The following KCND2 variants were observed in gnomAD, a reference collection of about 807,000 sequenced individuals.
KCND2 encodes the protein A-type voltage-gated potassium channel KCND2.
A neutral mutation model predicts 54.4 loss-of-function variants in KCND2; 16 were observed. That is an observed-to-expected ratio of 0.29 (90% CI 0.20 to 0.45). The LOEUF (loss-of-function observed/expected upper bound fraction) is 0.45, where lower values mean the gene tolerates loss of function less well. Among genes scored for constraint, KCND2 ranks in the 20% least tolerant of loss-of-function variants. The pLI, the probability that KCND2 is intolerant of heterozygous loss-of-function variation, is 1.00. For synonymous variants in KCND2, 317 were observed against 310.7 expected (o/e 1.02, Z -0.21); for missense variants, 486 against 824.2 (o/e 0.59, Z 5.02).
chr7:120,496,588 C>A (rs113714501), intron 1 of KCND2, among the ~76,000 whole-genome samples: 4,212 of 129,302 alleles, frequency 0.033, 91 homozygotes, highest in Non-Finnish European at 0.047. Context: ...CCACGCCTGG[C>A]TGCTTTTTCG....
At chr7:120,721,137 C>T (rs1416969363) in intron 1 of KCND2, among the ~76,000 whole-genome samples, 1 of 152,094 alleles carries the variant, frequency 6.6e-6, no homozygotes, top group Non-Finnish European at 1.5e-5. Context: ...TATGTTTAAG[C>T]AGGTGTACTT....
chr7:120,464,113 C>T lies in KCND2; in HGVS notation c.1115+188366C>T, dbSNP rs532268762. On this transcript the variant is annotated intron_variant, in intron 1 of 5. Transcript: ENST00000331113. Reference sequence around the variant, plus strand: ...ACATCACAGGATTGCCTGGTTTCCCCCTAGCTATCATTTAGACTATACTGC... The same window carrying T: ...ACATCACAGGATTGCCTGGTTTCCCTCTAGCTATCATTTAGACTATACTGC... 6.1e-6 allele frequency: 6 copies of T among 978,876 alleles called. No individual in the cohort carries two copies. The South Asian group carries it at 1.4e-4, about 23-fold the overall frequency. The allele number at this position is 978,876 out of a possible 1,614,324, so 60.6% of individuals were successfully genotyped here.
intron 1 of KCND2, among the ~76,000 whole-genome samples, chr7:120,544,360 C>T (rs1792018162): frequency 1.3e-5 from 2 of 151,838 alleles, no homozygotes; most frequent in Non-Finnish European, 2.9e-5. Context: ...TAGTTTTGAG[C>T]AAAGATGTCA....
At chr7:120,443,683 C>CT (rs1801977602) in intron 1 of KCND2, among the ~76,000 whole-genome samples, 1 of 149,434 alleles carries the variant, frequency 6.7e-6, no homozygotes, top group African/African-American at 2.6e-5. Flanking sequence ...AGTTAAGACT[C>CT]ATTTTTTTTT....
At chr7:120,360,278 T>C (rs1299154505) in intron 1 of KCND2, among the ~76,000 whole-genome samples, 1 of 152,124 alleles carries the variant, frequency 6.6e-6, no homozygotes, top group Non-Finnish European at 1.5e-5. Context: ...GGTACATGTC[T>C]TGATATCAAG....
intron 1 of KCND2, among the ~76,000 whole-genome samples, chr7:120,304,982 A>G (rs1476085777): frequency 6.6e-6 from 1 of 152,168 alleles, no homozygotes; most frequent in Admixed American, 6.6e-5. Context: ...CCTTGGAGAC[A>G]TTGTCTCTCT....
chr7:120,385,205 T>C (rs935230952), intron 1 of KCND2, among the ~76,000 whole-genome samples: 2 of 151,462 alleles, frequency 1.3e-5, no homozygotes, highest in Non-Finnish European at 2.9e-5. Flanking sequence ...GGTTTTATCA[T>C]GTTCAAGAAC....
chr7:120,701,419 G>A (rs1391156428), intron 1 of KCND2, among the ~76,000 whole-genome samples: 1 of 152,088 alleles, frequency 6.6e-6, no homozygotes, highest in Non-Finnish European at 1.5e-5. Context: ...GGCGCTAGGT[G>A]AATTTAGAAT....
chr7:120,744,102 A>C (rs1365317807), intron 4 of KCND2, among the ~76,000 whole-genome samples: 1 of 152,224 alleles, frequency 6.6e-6, no homozygotes, highest in East Asian at 1.9e-4. Context: ...TCTACTAAAA[A>C]TACAAAAAAA....
Position 120,577,839 on chromosome 7 carries a change from C to T in KCND2, c.1116-155064C>T, listed in dbSNP as rs562956579. ...TGACCTCGTGATTCACCTGCATTGG[C>T]TTCCCAAAGTGCTGGGATTACAGGC... On this transcript the variant is annotated intron_variant, in intron 1 of 5. Coordinates refer to ENST00000331113, the MANE Select transcript of KCND2 (RefSeq NM_012281.3). Among the ~76,000 whole-genome samples the T allele has an allele frequency of 7.2e-5, 11 of 152,288 alleles. No homozygotes were observed. The East Asian group carries it at 2.1e-3, about 29-fold the overall frequency.
intron 1 of KCND2, among the ~76,000 whole-genome samples, chr7:120,653,412 A>T (rs1020436128): frequency 6.6e-6 from 1 of 151,948 alleles, no homozygotes; most frequent in East Asian, 1.9e-4. Context: ...AAGATTTGAA[A>T]CCAAATCTTA....
chr7:120,745,943 A>G lies in KCND2; in HGVS notation c.1631A>G (p.Asn544Ser), dbSNP rs760043249. The G allele has an allele frequency of 2.9e-5, 46 of 1,613,746 alleles. No homozygotes were observed. Among genetic ancestry groups the G allele is most frequent in the Non-Finnish European group, 3.5e-5 (41 of 1,179,820 alleles). The change falls in exon 5 of 6, where the codon AAT (asparagine) becomes AGT (serine). Residue 544 changes from asparagine (N) to serine (S), a missense_variant. This residue lies in a region of KCND2 where 202 missense variants were observed against 252.7 expected (regional missense o/e 0.80). Transcript: ENST00000331113. ...AAAACTTTTCGCATCCCAAATGCCA[A>G]TGTATCAGGAAGCCATCAAGGTAGT... ...HKKTFRIPNA[N>S]VSGSHQGSIQ...
At chr7:120,337,006 G>T (rs1800160729) in intron 1 of KCND2, among the ~76,000 whole-genome samples, 1 of 151,882 alleles carries the variant, frequency 6.6e-6, no homozygotes, top group African/African-American at 2.4e-5. Flanking sequence ...GTTAACTTTT[G>T]TTTGGCTTTT....
At chr7:120,702,154 A>C (rs570955698) in intron 1 of KCND2, among the ~76,000 whole-genome samples, 1 of 152,340 alleles carries the variant, frequency 6.6e-6, no homozygotes, top group South Asian at 2.1e-4. Context: ...ACACTTTAAA[A>C]GAAGACATAC....
At chr7:120,479,962 CAAAAAA>C (rs35246643) in intron 1 of KCND2, among the ~76,000 whole-genome samples, 13 of 68,884 alleles carry the variant, frequency 1.9e-4, no homozygotes, top group African/African-American at 7.5e-4. Context: ...GTAAGACTGT[CAAAAAA>C]AAAAAAAAAA....
intron 1 of KCND2, among the ~76,000 whole-genome samples, chr7:120,331,970 A>G (rs757792274): frequency 7.9e-5 from 12 of 152,036 alleles, no homozygotes; most frequent in Non-Finnish European, 1.5e-4. Context: ...TCGACTTTCA[A>G]TTTATTCACT....
chr7:120,469,879 A>G (rs376277739), intron 1 of KCND2, among the ~76,000 whole-genome samples: 1 of 152,186 alleles, frequency 6.6e-6, no homozygotes, highest in African/African-American at 2.4e-5. Context: ...CTTCTGGTTC[A>G]TAAAGAACAT....
At position 120,536,856 on chromosome 7, in the gene KCND2, A is replaced by G. The variant is rs180890497; in HGVS notation, c.1116-196047A>G. On this transcript the variant is annotated intron_variant, in intron 1 of 5. Transcript: ENST00000331113. ...GGATGTAATAAACTTCTTTCTTTTT[A>G]ATTATTTTTGTCAGATCTGATAATG... Among the ~76,000 whole-genome samples the G allele has an allele frequency of 7.2e-5, 11 of 152,148 alleles. No individual in the cohort carries two copies. In the East Asian group the frequency reaches 2.1e-3, roughly 29 times the overall value.
intron 1 of KCND2, among the ~76,000 whole-genome samples, chr7:120,418,225 T>C (rs1313129761): frequency 6.6e-6 from 1 of 152,180 alleles, no homozygotes; most frequent in Admixed American, 6.5e-5. Flanking sequence ...TATCTAGATA[T>C]AAACAAGGAT....
Sources: allele counts gnomAD v4.1 joint callset (sites outside exome capture counted in the v4.1 genomes callset), GRCh38; gene constraint gnomAD v4.1.1; regional missense constraint gnomAD v4.1.1; transcripts MANE v1.5; gene names NCBI Gene and HGNC (gene_info 2026-07-23, HGNC 2026-07-21).